The following TGFBR2 variants were observed in gnomAD, a reference collection of about 807,000 sequenced individuals.
The protein encoded by TGFBR2 is TGF-beta receptor type-2.
In TGFBR2, 18 loss-of-function variants were observed where a neutral mutation model predicts 49.0. The ratio of observed to expected loss-of-function variants is 0.37; its 90% CI spans 0.25 to 0.54. The LOEUF is 0.54. TGFBR2 is among the 20% of genes least tolerant of loss of function. The pLI, the probability that TGFBR2 is intolerant of heterozygous loss-of-function variation, is 0.85. For synonymous variants in TGFBR2, 282 were observed against 275.9 expected (o/e 1.02, Z -0.22); for missense variants, 525 against 722.6 (o/e 0.73, Z 3.13).
At chr3:30,625,173 A>G (rs940867872) in intron 1 of TGFBR2, among the ~76,000 whole-genome samples, 4 of 152,232 alleles carry the variant, frequency 2.6e-5, no homozygotes, top group African/African-American at 7.2e-5. Flanking sequence ...ACATATTAAA[A>G]ATAGTGTTTC....
chr3:30,661,598 G>A (rs1468287713), intron 3 of TGFBR2: 3 of 516,190 alleles, frequency 5.8e-6, no homozygotes, highest in South Asian at 4.2e-5. Context: ...CAAAACACTG[G>A]CTGGGAATCT....
chr3:30,661,442 G>A (rs965644970), intron 3 of TGFBR2: 1 of 393,038 alleles, frequency 2.5e-6, no homozygotes. Context: ...CATAAAGGGT[G>A]AAAAGCACAG....
chr3:30,671,568 G>T, intron 3 of TGFBR2, 70 bp from the exon 4 acceptor site: 1 of 1,500,592 alleles, frequency 6.7e-7, no homozygotes, highest in South Asian at 1.1e-5. Flanking sequence ...GCTCAGGCAT[G>T]AACCCACTTC....
chr3:30,665,967 C>T (rs966225018), intron 3 of TGFBR2, among the ~76,000 whole-genome samples: 1 of 152,146 alleles, frequency 6.6e-6, no homozygotes, highest in African/African-American at 2.4e-5. Flanking sequence ...ATAACAATAG[C>T]AGCAGATCTA....
intron 5 of TGFBR2, among the ~76,000 whole-genome samples, chr3:30,675,664 C>T (rs17426145): frequency 0.022 from 3,405 of 152,202 alleles, 125 homozygotes; most frequent in African/African-American, 0.078. Context: ...GGATTACAGG[C>T]GTGAGCCACT....
At chr3:30,625,346 CTG>C in intron 1 of TGFBR2, among the ~76,000 whole-genome samples, 1 of 152,320 alleles carries the variant, frequency 6.6e-6, no homozygotes, top group Middle Eastern at 3.4e-3. Flanking sequence ...CTATCCACAA[CTG>C]TTAATTCTGA....
intron 3 of TGFBR2, among the ~76,000 whole-genome samples, chr3:30,662,085 G>A (rs779795724): frequency 4.6e-5 from 7 of 152,052 alleles, no homozygotes; most frequent in Admixed American, 2.6e-4. Context: ...CATAGAAAAC[G>A]GATTCATTTT....
chr3:30,652,041 C>A (rs1220810564), intron 3 of TGFBR2, among the ~76,000 whole-genome samples: 3 of 152,122 alleles, frequency 2.0e-5, no homozygotes, highest in Admixed American at 2.0e-4. Flanking sequence ...CCAGCTTGTT[C>A]TCTTCCTGTG....
chr3:30,688,268 G>A lies in TGFBR2; in HGVS notation c.1397-116G>A, dbSNP rs11466526. On this transcript the variant is annotated intron_variant, in intron 5 of 6. Coordinates refer to ENST00000295754, the MANE Select transcript of TGFBR2 (RefSeq NM_003242.6). The stretch of plus-strand genomic sequence containing the variant: ...TAAAATTTGCTCTTAGAGTAATTAC[G>A]TATGTATTTGTTACTTAGTGCTTCA... The A allele has an allele frequency of 1.5e-3, 1,932 of 1,319,748 alleles. 19 individuals are homozygous for A. The African/African-American group carries it at 0.022, about 15-fold the overall frequency. The allele number at this position is 1,319,748 out of a possible 1,614,324, so 81.8% of individuals were successfully genotyped here.
At chr3:30,614,075 T>C (rs1322041192) in intron 1 of TGFBR2, among the ~76,000 whole-genome samples, 1 of 151,930 alleles carries the variant, frequency 6.6e-6, no homozygotes, top group Admixed American at 6.6e-5. Context: ...TAGTTTGCGT[T>C]GTCCTGAAGT....
At chr3:30,622,086 A>G (rs930098534) in intron 1 of TGFBR2, among the ~76,000 whole-genome samples, 5 of 152,216 alleles carry the variant, frequency 3.3e-5, no homozygotes, top group African/African-American at 1.2e-4. Flanking sequence ...AGGGAAGTGA[A>G]AAACAATGCT....
intron 1 of TGFBR2, among the ~76,000 whole-genome samples, chr3:30,631,036 C>CTTTTTTTT (rs34649868): frequency 8.3e-6 from 1 of 120,908 alleles, no homozygotes. Flanking sequence ...AAGGAGTAGC[C>CTTTTTTTT]TTTTTTTTTT....
intron 3 of TGFBR2, chr3:30,661,499 G>T (rs531055080): frequency 3.0e-5 from 14 of 468,606 alleles, no homozygotes; most frequent in Non-Finnish European, 5.1e-5. Flanking sequence ...GGTTTTAATG[G>T]CCTGAAATGA....
chr3:30,680,446 TC>T (rs1432717006), intron 5 of TGFBR2, among the ~76,000 whole-genome samples: 3 of 152,190 alleles, frequency 2.0e-5, no homozygotes, highest in Non-Finnish European at 2.9e-5. Context: ...ACCTATTGTG[TC>T]GCAGGCATTG....
At chr3:30,614,968 A>G (rs1698104169) in intron 1 of TGFBR2, among the ~76,000 whole-genome samples, 1 of 152,330 alleles carries the variant, frequency 6.6e-6, no homozygotes, top group South Asian at 2.1e-4. Context: ...CATTCTTCAT[A>G]TATTATCCCA....
intron 2 of TGFBR2, among the ~76,000 whole-genome samples, chr3:30,648,045 G>T (rs554699906): frequency 1.1e-4 from 17 of 152,256 alleles, no homozygotes; most frequent in Non-Finnish European, 2.2e-4. Context: ...GTGGCTCAGA[G>T]CAAATGTTGC....
intron 3 of TGFBR2, chr3:30,661,561 A>T: frequency 1.9e-6 from 1 of 514,350 alleles, no homozygotes; most frequent in South Asian, 1.4e-5. Flanking sequence ...TATAGGTTCA[A>T]ACAATCGATT....
At chr3:30,666,477 C>T (rs1010389881) in intron 3 of TGFBR2, among the ~76,000 whole-genome samples, 4 of 152,112 alleles carry the variant, frequency 2.6e-5, no homozygotes, top group African/African-American at 9.7e-5. Flanking sequence ...AATCCCCATA[C>T]CCAAAATATA....
intron 1 of TGFBR2, among the ~76,000 whole-genome samples, chr3:30,608,098 C>T (rs1344399415): frequency 6.6e-6 from 1 of 151,376 alleles, no homozygotes; most frequent in African/African-American, 2.4e-5. Context: ...GCCACCACGC[C>T]CAGCTAATTT....
Sources: gnomAD v4.1 joint callset for allele counts (sites outside exome capture counted in the v4.1 genomes callset) on GRCh38, gnomAD v4.1.1 for gene constraint, MANE v1.5 for transcripts, NCBI Gene and HGNC (gene_info 2026-07-23, HGNC 2026-07-21) for gene names.